The following RBFOX1 variants were observed in gnomAD, a reference collection of about 807,000 sequenced individuals.
RBFOX1 encodes RNA binding fox-1 homolog 1, also known as RNA binding protein fox-1 homolog 1.
RBFOX1 carries 8 observed loss-of-function variants against 57.7 expected under a neutral mutation model. The observed-to-expected ratio is 0.14, with a 90% confidence interval of 0.08 to 0.25. The LOEUF (loss-of-function observed/expected upper bound fraction) is 0.25, where lower values mean the gene tolerates loss of function less well. Among genes scored for constraint, RBFOX1 ranks in the 10% least tolerant of loss-of-function variants. The pLI, the probability that RBFOX1 is intolerant of heterozygous loss-of-function variation, is 1.00. For synonymous variants in RBFOX1, 326 were observed against 222.4 expected, an observed-to-expected ratio of 1.47 and a Z score of -4.15; for missense variants, 611 against 548.5, an observed-to-expected ratio of 1.11 and a Z score of -1.14.
At chr16:6,024,857 C>T (rs894164494) in intron 1 of RBFOX1, among the ~76,000 whole-genome samples, 1 of 152,232 alleles carries the variant, frequency 6.6e-6, no homozygotes, top group African/African-American at 2.4e-5. Context: ...CTATTGAAAG[C>T]ACTTCAAGTG....
intron 4 of RBFOX1, among the ~76,000 whole-genome samples, chr16:7,363,173 A>T (rs1295952113): frequency 1.3e-5 from 2 of 152,060 alleles, no homozygotes; most frequent in Non-Finnish European, 2.9e-5. Context: ...TTTGGGAGAG[A>T]CAGAACTGCA....
chr16:6,747,476 T>TGTCTGTCTATC (rs1414362121), intron 3 of RBFOX1, among the ~76,000 whole-genome samples: 3 of 137,034 alleles, frequency 2.2e-5, no homozygotes, highest in Admixed American at 7.5e-5. Context: ...GTCTGTCTGT[T>TGTCTGTCTATC]TATCTATCTG....
chr16:5,731,928 T>A (rs968673359), intron 3 of RBFOX1, among the ~76,000 whole-genome samples: 1 of 152,200 alleles, frequency 6.6e-6, no homozygotes, highest in Admixed American at 6.5e-5. Flanking sequence ...TTCAGGTGTT[T>A]AATGGAAGGT....
At chr16:6,116,333 G>A (rs1268548375) in intron 1 of RBFOX1, among the ~76,000 whole-genome samples, 4 of 151,970 alleles carry the variant, frequency 2.6e-5, no homozygotes. Flanking sequence ...CAGGTTGATG[G>A]GTGCAGCAAA....
At chr16:7,140,256 T>C (rs2073386768) in intron 4 of RBFOX1, among the ~76,000 whole-genome samples, 1 of 138,366 alleles carries the variant, frequency 7.2e-6, no homozygotes, top group Admixed American at 8.0e-5. Context: ...GTCCATTTTT[T>C]TTTAAATGGC....
chr16:6,619,439 A>G (rs2098193389), intron 2 of RBFOX1, among the ~76,000 whole-genome samples: 2 of 152,168 alleles, frequency 1.3e-5, no homozygotes, highest in Non-Finnish European at 2.9e-5. Flanking sequence ...TCATTTGTGA[A>G]ACTACATCAA....
At chr16:6,176,401 C>T (rs796078628) in intron 1 of RBFOX1, among the ~76,000 whole-genome samples, 5 of 150,574 alleles carry the variant, frequency 3.3e-5, no homozygotes, top group African/African-American at 9.8e-5. Context: ...TCAGGTCATC[C>T]GCCCGCCTCA....
chr16:7,421,416 ACC>A (rs1474322201), intron 4 of RBFOX1, among the ~76,000 whole-genome samples: 1 of 152,148 alleles, frequency 6.6e-6, no homozygotes, highest in Non-Finnish European at 1.5e-5. Context: ...ATATTCAGGC[ACC>A]CATACGTACA....
intron 12 of RBFOX1, among the ~76,000 whole-genome samples, chr16:7,662,925 C>G (rs1041810030): frequency 1.3e-5 from 2 of 152,240 alleles, no homozygotes; most frequent in South Asian, 4.1e-4. Flanking sequence ...ATGCTGCAGT[C>G]TGATTCAAAT....
intron 2 of RBFOX1, among the ~76,000 whole-genome samples, chr16:5,564,567 C>T (rs949226720): frequency 6.6e-6 from 1 of 152,100 alleles, no homozygotes; most frequent in African/African-American, 2.4e-5. Flanking sequence ...ACCTTATTTG[C>T]TGGGAATGGA....
intron 3 of RBFOX1, among the ~76,000 whole-genome samples, chr16:6,859,165 G>GTGTATATATATGTATATATA (rs1222031180): frequency 1.9e-5 from 1 of 54,030 alleles, no homozygotes; most frequent in Non-Finnish European, 3.2e-5. Flanking sequence ...ATATATATAC[G>GTGTATATATATGTATATATA]TATATATATG....
chr16:5,530,579 G>C (rs1164053793), intron 2 of RBFOX1, among the ~76,000 whole-genome samples: 1 of 152,156 alleles, frequency 6.6e-6, no homozygotes, highest in African/African-American at 2.4e-5. Context: ...GGACATTTTG[G>C]CTAGAAAATT....
intron 1 of RBFOX1, among the ~76,000 whole-genome samples, chr16:6,034,497 C>G (rs1450548248): frequency 2.0e-5 from 3 of 151,964 alleles, no homozygotes; most frequent in Non-Finnish European, 2.9e-5. Context: ...TGCTTCCTGG[C>G]TGCATCTTCA....
intron 3 of RBFOX1, among the ~76,000 whole-genome samples, chr16:6,987,336 G>A (rs1279862516): frequency 1.3e-5 from 2 of 152,042 alleles, no homozygotes; most frequent in Non-Finnish European, 2.9e-5. Flanking sequence ...AGTGAGTGGA[G>A]AACAAGAGAG....
intron 5 of RBFOX1, among the ~76,000 whole-genome samples, chr16:7,542,120 A>G (rs1341099755): frequency 6.6e-6 from 1 of 152,202 alleles, no homozygotes; most frequent in Non-Finnish European, 1.5e-5. Context: ...TGAGATTGTG[A>G]TGAATGCAAC....
intron 3 of RBFOX1, among the ~76,000 whole-genome samples, chr16:6,793,981 G>C (rs1228358798): frequency 6.6e-6 from 1 of 152,148 alleles, no homozygotes; most frequent in Non-Finnish European, 1.5e-5. Flanking sequence ...AGTGGTGTAT[G>C]ATTCAGTAAC....
At chr16:6,104,160 A>C in intron 1 of RBFOX1, among the ~76,000 whole-genome samples, 1 of 132,840 alleles carries the variant, frequency 7.5e-6, no homozygotes, top group African/African-American at 2.7e-5. Flanking sequence ...CACACACACA[A>C]TATTATTTTT....
chr16:6,043,491 T>C (rs1055622387), intron 1 of RBFOX1, among the ~76,000 whole-genome samples: 4 of 152,104 alleles, frequency 2.6e-5, no homozygotes, highest in African/African-American at 9.7e-5. Flanking sequence ...TCCCAAAGAG[T>C]CTGTTTTGTC....
At chr16:7,131,990 T>A (rs1404448606) in intron 4 of RBFOX1, among the ~76,000 whole-genome samples, 1 of 117,978 alleles carries the variant, frequency 8.5e-6, no homozygotes, top group Admixed American at 1.1e-4. Context: ...AGAGTCCTTT[T>A]TTTCTTTCTT....
Sources: gnomAD v4.1 joint callset for allele counts (sites outside exome capture counted in the v4.1 genomes callset) on GRCh38, gnomAD v4.1.1 for gene constraint, MANE v1.5 for transcripts, NCBI Gene and HGNC (gene_info 2026-07-23, HGNC 2026-07-21) for gene names.